TIAM1: variants seen among roughly 807,000 people sequenced by gnomAD.
TIAM1 encodes the protein TIAM Rac1 associated GEF 1, also known as rho guanine nucleotide exchange factor TIAM1.
TIAM1 carries 65 observed loss-of-function variants against 163.5 expected under a neutral mutation model. The ratio of observed to expected loss-of-function variants is 0.40; its 90% CI spans 0.33 to 0.49. TIAM1 has a LOEUF of 0.49. Among genes scored for constraint, TIAM1 ranks in the 20% least tolerant of loss-of-function variants. The pLI, the probability that TIAM1 is intolerant of heterozygous loss-of-function variation, is 0.77. For missense variants in TIAM1, 1,789 were observed against 2,044.7 expected (o/e 0.87, Z 2.41); for synonymous variants, 833 against 810.1 (o/e 1.03, Z -0.48).
Position 31,309,539 on chromosome 21 carries a change from T to C in TIAM1, c.-189+29704A>G, listed in dbSNP as rs147812438. Among the ~76,000 whole-genome samples the C allele has an allele frequency of 4.7e-4, 72 of 152,266 alleles. No homozygotes were observed. In the East Asian group the frequency reaches 0.01, roughly 22 times the overall value. On this transcript the variant is annotated intron_variant, in intron 2 of 27. Transcript: ENST00000541036. ...GAAAGGTGAAAAGCTTTTAAACTTA[T>C]TGGGAAAAAAATCTTTCAGCAGGAA...
At chr21:31,242,860 CAAA>C (rs11417948) in intron 6 of TIAM1, among the ~76,000 whole-genome samples, 12 of 95,072 alleles carry the variant, frequency 1.3e-4, no homozygotes, top group East Asian at 8.5e-4. Flanking sequence ...GACTCTGTCT[CAAA>C]AAAAAAAAAA....
chr21:31,509,567 G>T (rs1257035656), intron 1 of TIAM1, among the ~76,000 whole-genome samples: 1 of 152,220 alleles, frequency 6.6e-6, no homozygotes, highest in African/African-American at 2.4e-5. Context: ...CCGTTTCATA[G>T]CATGTCTCAT....
intron 2 of TIAM1, among the ~76,000 whole-genome samples, chr21:31,295,415 C>A (rs185969711): frequency 1.8e-3 from 269 of 146,648 alleles, no homozygotes; most frequent in African/African-American, 6.2e-3. Context: ...GCTTGCAGTG[C>A]GCCGAGATCA....
intron 2 of TIAM1, among the ~76,000 whole-genome samples, chr21:31,401,937 G>C (rs1279102325): frequency 6.6e-6 from 1 of 151,530 alleles, no homozygotes; most frequent in Admixed American, 6.6e-5. Context: ...ATTGGAGCCC[G>C]GGCATGGTGG....
chr21:31,492,863 T>C (rs1397775322), intron 1 of TIAM1, among the ~76,000 whole-genome samples: 1 of 151,492 alleles, frequency 6.6e-6, no homozygotes, highest in African/African-American at 2.4e-5. Context: ...TATATACTGA[T>C]TCCAAAAGAA....
chr21:31,393,896 C>G lies in TIAM1; in HGVS notation c.-368-54474G>C, dbSNP rs149037073. Among the ~76,000 whole-genome samples the G allele has an allele frequency of 1.7e-3, 262 of 152,158 alleles. 1 individual carries two copies. The highest frequency in any genetic ancestry group is 6.0e-3 in the African/African-American group (248 of 41,520). ...TTATTACATTAAATTAATAAATAGGCTTATACTGATTCTTAAAGATTTTCT... is the reference window on the plus strand; with the variant it reads ...TTATTACATTAAATTAATAAATAGGGTTATACTGATTCTTAAAGATTTTCT... On this transcript the variant is annotated intron_variant, in intron 2 of 28. Transcript: ENST00000286827.
At chr21:31,171,164 G>A (rs2084498160) in intron 15 of TIAM1, among the ~76,000 whole-genome samples, 1 of 151,732 alleles carries the variant, frequency 6.6e-6, no homozygotes, top group Non-Finnish European at 1.5e-5. Flanking sequence ...TAGGACGGTA[G>A]ATTACCCACG....
At chr21:31,237,048 T>C (rs554026788) in intron 6 of TIAM1, among the ~76,000 whole-genome samples, 1 of 152,148 alleles carries the variant, frequency 6.6e-6, no homozygotes, top group Non-Finnish European at 1.5e-5. Context: ...GAACATATTA[T>C]CTCAACATGA....
chr21:31,472,524 G>GA (rs952439045), intron 1 of TIAM1, among the ~76,000 whole-genome samples: 3 of 151,610 alleles, frequency 2.0e-5, no homozygotes, highest in East Asian at 1.9e-4. Flanking sequence ...AAGACTGTCT[G>GA]AAAAAAAATA....
At chr21:31,247,268 G>A (rs191533384) in intron 5 of TIAM1, among the ~76,000 whole-genome samples, 1,700 of 152,030 alleles carry the variant, frequency 0.011, 101 homozygotes, top group Admixed American at 0.1. Flanking sequence ...CCATGATCAT[G>A]CCACTGCACT....
chr21:31,497,801 T>C (rs1341044771), intron 1 of TIAM1, among the ~76,000 whole-genome samples: 1 of 152,226 alleles, frequency 6.6e-6, no homozygotes, highest in African/African-American at 2.4e-5. Context: ...TGTCACCTCA[T>C]GAGCCACTGT....
At chr21:31,133,404 G>A (rs1231824804) in intron 23 of TIAM1, among the ~76,000 whole-genome samples, 1 of 152,196 alleles carries the variant, frequency 6.6e-6, no homozygotes, top group Non-Finnish European at 1.5e-5. Context: ...CCATGAAGCT[G>A]GAGTATGCAG....
intron 13 of TIAM1, among the ~76,000 whole-genome samples, chr21:31,191,811 C>G (rs183944388): frequency 6.6e-6 from 1 of 152,280 alleles, no homozygotes; most frequent in East Asian, 1.9e-4. Context: ...TGTATACAAA[C>G]GGTAGCAGTT....
intron 1 of TIAM1, among the ~76,000 whole-genome samples, chr21:31,509,121 G>A (rs183856075): frequency 1.5e-3 from 228 of 152,254 alleles, no homozygotes; most frequent in African/African-American, 5.1e-3. Flanking sequence ...GAGTATCTGC[G>A]TGCCTCCGTG....
intron 7 of TIAM1, among the ~76,000 whole-genome samples, chr21:31,223,811 C>T (rs895325585): frequency 6.6e-6 from 1 of 152,162 alleles, no homozygotes; most frequent in Non-Finnish European, 1.5e-5. Context: ...CCTCTGTTCC[C>T]TCCTATCTTG....
chr21:31,338,261 A>G (rs1007506717), intron 2 of TIAM1, among the ~76,000 whole-genome samples: 6 of 152,158 alleles, frequency 3.9e-5, no homozygotes, highest in Admixed American at 6.5e-5. Context: ...GGGAAACTCT[A>G]AAAGTTACAG....
chr21:31,428,159 G>A (rs1384910777), intron 2 of TIAM1, among the ~76,000 whole-genome samples: 3 of 152,078 alleles, frequency 2.0e-5, no homozygotes, highest in Admixed American at 2.0e-4. Flanking sequence ...GGAGGCTGAG[G>A]CAGCAGAATC....
chr21:31,483,274 G>C (rs1163353759), intron 1 of TIAM1, among the ~76,000 whole-genome samples: 1 of 152,118 alleles, frequency 6.6e-6, no homozygotes, highest in Non-Finnish European at 1.5e-5. Flanking sequence ...TATGAAATCT[G>C]AGGTCTTGAA....
At chr21:31,413,264 C>CTTTTTTTT (rs397866519) in intron 2 of TIAM1, among the ~76,000 whole-genome samples, 54 of 87,878 alleles carry the variant, frequency 6.1e-4, no homozygotes, top group Admixed American at 7.9e-4. Flanking sequence ...CTTTTCTTTT[C>CTTTTTTTT]TTTTTTTTTT....
Sources: gnomAD v4.1 joint callset for allele counts (sites outside exome capture counted in the v4.1 genomes callset) on GRCh38, gnomAD v4.1.1 for gene constraint, MANE v1.5 for transcripts, NCBI Gene and HGNC (gene_info 2026-07-23, HGNC 2026-07-21) for gene names.